The following ERICH1 variants were observed in gnomAD, a reference collection of about 807,000 sequenced individuals.
ERICH1 encodes glutamate-rich protein 1.
Under a neutral mutation model 39.6 loss-of-function variants are expected in ERICH1, and 56 were observed. That is an observed-to-expected ratio of 1.41 (90% CI 1.14 to 1.77). ERICH1 has a LOEUF of 1.77. Ranked by LOEUF, ERICH1 falls within the 40% of genes most tolerant of loss-of-function variation. The pLI is 0.00. For synonymous variants in ERICH1, 313 were observed against 223.6 expected (o/e 1.40, Z -3.57); for missense variants, 826 against 575.4 (o/e 1.44, Z -4.45).
In ERICH1 at chr8:668,666, A is replaced by C. The variant is rs1261140725; in HGVS notation, c.1190T>G (p.Leu397Arg). ...CTTCAATCTCTCAGTATCTTGCAGG[A>C]GCAGCAGCGTTTTCATGTGGTACAG... ...SILYHMKTLL[L>R]LQDTERLKHA... Residue 397 changes from leucine (L) to arginine (R), a missense_variant, in exon 5 of 6, where the codon CTC (leucine) becomes CGC (arginine). Coordinates refer to ENST00000262109, the MANE Select transcript of ERICH1 (RefSeq NM_207332.3). 6.2e-7 allele frequency: 1 copy of C among 1,614,188 alleles called. No homozygotes were observed. The highest frequency in any genetic ancestry group is 1.1e-5 in the South Asian group (1 of 91,084).
chr8:623,123 A>G (rs997366965), intron 3 of ERICH1, among the ~76,000 whole-genome samples: 5 of 151,974 alleles, frequency 3.3e-5, no homozygotes, highest in African/African-American at 1.2e-4. Flanking sequence ...AAAGAAAACT[A>G]CAGACTAATA....
chr8:620,626 C>T (rs1041566603), intron 3 of ERICH1, among the ~76,000 whole-genome samples: 15 of 152,152 alleles, frequency 9.9e-5, no homozygotes, highest in African/African-American at 3.6e-4. Context: ...GTCATGCAAA[C>T]AGCAACCATG....
At chr8:693,754 G>A (rs1362104501) in intron 2 of ERICH1, among the ~76,000 whole-genome samples, 17 of 150,374 alleles carry the variant, frequency 1.1e-4, no homozygotes, top group Admixed American at 5.9e-4. Context: ...CTCTGCGCAC[G>A]GGACCTCCCC....
chr8:698,784 G>C lies in ERICH1; in HGVS notation c.170-6172C>G, dbSNP rs557685420. Among the ~76,000 whole-genome samples, 23 of 152,154 alleles carry C rather than the reference G, an allele frequency of 1.5e-4. No individual in the cohort carries two copies. In the South Asian group the frequency reaches 2.3e-3, roughly 15 times the overall value. ...TGAGTCACTGTGTTTGGCCTGAAAA[G>C]TCTTTTGTCCATTTTGCTGGAAAAA... On this transcript the variant is annotated intron_variant, in intron 2 of 5. Coordinates refer to ENST00000262109, the MANE Select transcript of ERICH1 (RefSeq NM_207332.3).
chr8:620,039 C>T (rs182218716), intron 3 of ERICH1, among the ~76,000 whole-genome samples: 210 of 152,252 alleles, frequency 1.4e-3, no homozygotes, highest in Non-Finnish European at 2.3e-3. Flanking sequence ...GTGGGCCAGG[C>T]GTGGTGGCTC....
At position 673,842 on chromosome 8, in the gene ERICH1, T is replaced by C. The variant is rs1418604693; in HGVS notation, c.510A>G (p.Gln170=). 3 of 1,614,010 alleles carry C rather than the reference T, an allele frequency of 1.9e-6. No homozygotes were observed. Among genetic ancestry groups the C allele is most frequent in the East Asian group, 2.2e-5 (1 of 44,890 alleles). Residue 170 remains glutamine (Q), a synonymous_variant, in exon 4 of 6, where the codon CAA becomes CAG. Transcript: ENST00000262109. ...NKKRKLKKKQ[Q]IKRKKAAGLA... ...AGCCGGCTGCTTTCTTCCTTTTAAT[T>C]TGCTGTTTCTTTTTCAGTTTCCTTT...
At chr8:688,051 G>A (rs1807902209) in intron 3 of ERICH1, among the ~76,000 whole-genome samples, 1 of 152,138 alleles carries the variant, frequency 6.6e-6, no homozygotes, top group South Asian at 2.1e-4. Context: ...GGAGACGCGC[G>A]GCGGCGCGCG....
At chr8:673,188 AT>A in intron 4 of ERICH1, 100 bp downstream of exon 4, 1 of 1,350,060 alleles carries the variant, frequency 7.4e-7, no homozygotes, top group Non-Finnish European at 9.9e-7. Context: ...TACATTGAAT[AT>A]TTTTAAAGTA....
chr8:715,037 A>C (rs938019853), intron 2 of ERICH1, among the ~76,000 whole-genome samples: 10 of 119,732 alleles, frequency 8.4e-5, no homozygotes, highest in South Asian at 2.7e-4. Context: ...CAGGTGGTCT[A>C]TTCCCGTGTC....
At chr8:626,863 G>A (rs974642160) in intron 3 of ERICH1, 3 of 293,830 alleles carry the variant, frequency 1.0e-5, no homozygotes, top group Admixed American at 7.7e-5. Flanking sequence ...TGTCCAGGGA[G>A]AGCTAAGGAA....
intron 3 of ERICH1, among the ~76,000 whole-genome samples, chr8:634,168 CAA>C (rs56687918): frequency 0.013 from 1,201 of 91,950 alleles, 19 homozygotes; most frequent in African/African-American, 0.04. Flanking sequence ...TCCTAAAACT[CAA>C]AAAAAAAAAA....
At chr8:618,597 A>T (rs1481991890) in intron 3 of ERICH1, among the ~76,000 whole-genome samples, 1 of 152,142 alleles carries the variant, frequency 6.6e-6, no homozygotes, top group African/African-American at 2.4e-5. Context: ...CTTGGGCAAC[A>T]TTACCAAATC....
chr8:650,152 GC>G (rs1252083413), intron 3 of ERICH1, among the ~76,000 whole-genome samples: 1 of 152,226 alleles, frequency 6.6e-6, no homozygotes, highest in Non-Finnish European at 1.5e-5. Context: ...GAGGGCGCTT[GC>G]GTGTCCGGCA....
chr8:697,101 G>T (rs1810493330), intron 2 of ERICH1, among the ~76,000 whole-genome samples: 1 of 152,184 alleles, frequency 6.6e-6, no homozygotes, highest in Non-Finnish European at 1.5e-5. Context: ...TGCTAGCAGG[G>T]CTCTCTGTAT....
intron 1 of ERICH1, chr8:725,194 T>C: frequency 5.1e-6 from 1 of 194,680 alleles, no homozygotes; most frequent in Non-Finnish European, 1.0e-5. Flanking sequence ...GTGCCTGCTG[T>C]CCCCTCCGGC....
chr8:672,693 G>C (rs148579429), intron 4 of ERICH1, among the ~76,000 whole-genome samples: 9 of 152,334 alleles, frequency 5.9e-5, no homozygotes, highest in Admixed American at 2.0e-4. Flanking sequence ...TGTCAACAAA[G>C]CGTAGTGCAG....
At chr8:671,263 TCCGA>T (rs1803291835) in intron 4 of ERICH1, among the ~76,000 whole-genome samples, 1 of 142,160 alleles carries the variant, frequency 7.0e-6, no homozygotes, top group Non-Finnish European at 1.5e-5. Context: ...TGGCCCCTGC[TCCGA>T]CCACTGAGCG....
intron 3 of ERICH1, among the ~76,000 whole-genome samples, chr8:616,873 G>A (rs112705520): frequency 2.9e-5 from 3 of 103,958 alleles, no homozygotes; most frequent in African/African-American, 8.6e-5. Flanking sequence ...AGAGAGAGAG[G>A]GAGAGGGAGA....
At chr8:658,901 C>G (rs559552043) in intron 3 of ERICH1, among the ~76,000 whole-genome samples, 1 of 152,252 alleles carries the variant, frequency 6.6e-6, no homozygotes, top group Non-Finnish European at 1.5e-5. Flanking sequence ...GCCTTTCCTT[C>G]ACTTGCTCTG....
Sources: allele counts gnomAD v4.1 joint callset (sites outside exome capture counted in the v4.1 genomes callset), GRCh38; gene constraint gnomAD v4.1.1; transcripts MANE v1.5; gene names NCBI Gene and HGNC (gene_info 2026-07-23, HGNC 2026-07-21).